The following PARP1 variants were observed in gnomAD, a reference collection of about 807,000 sequenced individuals.
The protein encoded by PARP1 is poly [ADP-ribose] polymerase 1.
In PARP1, 44 loss-of-function variants were observed where a neutral mutation model predicts 118.7. That is an observed-to-expected ratio of 0.37 (90% CI 0.29 to 0.48). The LOEUF (loss-of-function observed/expected upper bound fraction) is 0.48, where lower values mean the gene tolerates loss of function less well. PARP1 is among the 20% of genes least tolerant of loss of function. The pLI is 0.99. For missense variants in PARP1, 1,100 were observed against 1,272.4 expected, an observed-to-expected ratio of 0.86 and a Z score of 2.06; for synonymous variants, 492 against 483.2, an observed-to-expected ratio of 1.02 and a Z score of -0.24.
At position 226,367,093 on chromosome 1, in the gene PARP1, C is replaced by T. The variant is rs3219126; in HGVS notation, c.2406+387G>A. On this transcript the variant is annotated intron_variant, in intron 17 of 22. Coordinates refer to ENST00000366794, the MANE Select transcript of PARP1 (RefSeq NM_001618.4). ...AGCATTTCCACTTCTGAAATGGACA[C>T]CGGTAATAAGTCTTCTAAAAGTTCA... The T allele has an allele frequency of 9.1e-3, 2,594 of 285,564 alleles. 119 individuals are homozygous for T. Among genetic ancestry groups the T allele is most frequent in the South Asian group, 0.076 (2,025 of 26,476 alleles). 17.7% of individuals were successfully genotyped at this position (285,564 alleles called of 1,614,324 possible).
At position 226,402,328 on chromosome 1, in the gene PARP1, A is replaced by G. The variant is rs370621373; in HGVS notation, c.172T>C (p.Trp58Arg). ...TGCCGGATGGAGTGGCCCACCTTCCAGAAGCAGGAGAAGTGGTACCAGTGT... is the reference window on the plus strand; with the variant it reads ...TGCCGGATGGAGTGGCCCACCTTCCGGAAGCAGGAGAAGTGGTACCAGTGT... Reference protein sequence around the residue: ...VPHWYHFSCFWKVGHSIRHPD... With the variant: ...VPHWYHFSCFRKVGHSIRHPD... Residue 58 changes from tryptophan (W) to arginine (R), a missense_variant, in exon 2 of 23, where the codon TGG becomes CGG. Around this residue, in one of 2 missense-constraint regions of PARP1, gnomAD observed 948 missense variants for 1,031.8 expected, o/e 0.92. Transcript: ENST00000366794. 164 of 1,614,032 alleles carry G rather than the reference A, an allele frequency of 1.0e-4. 1 individual carries two copies. The highest frequency in any genetic ancestry group is 6.8e-4 in the Admixed American group (41 of 60,032).
At chr1:226,379,862 C>T (rs2271343) in intron 10 of PARP1, 60 bp downstream of exon 10, 1 of 1,611,202 alleles carries the variant, frequency 6.2e-7, no homozygotes, top group Admixed American at 1.7e-5. Context: ...CCGTGGACAA[C>T]AACCTGGCCA....
chr1:226,407,882 G>A lies in PARP1; in HGVS notation c.48C>T (p.Ser16=), dbSNP rs2102750314. 1.2e-6 allele frequency: 2 copies of A among 1,611,588 alleles called. No homozygotes were observed. Among genetic ancestry groups the A allele is most frequent in the Non-Finnish European group, 1.7e-6 (2 of 1,178,814 alleles). Residue 16 remains serine (S), a synonymous_variant, in exon 1 of 23, where the codon AGC becomes AGT. Coordinates refer to ENST00000366794, the MANE Select transcript of PARP1 (RefSeq NM_001618.4). ...TGCATTTCTTGCAAGAGGCGCGCCCGCTCTTGGCGTACTCGACTCGATAGA... is the reference window on the plus strand; with the variant it reads ...TGCATTTCTTGCAAGAGGCGCGCCCACTCTTGGCGTACTCGACTCGATAGA... ...DKLYRVEYAK[S]GRASCKKCSE...
chr1:226,379,749 G>A (rs890268468), intron 10 of PARP1, 108 bp from the exon 11 acceptor site: 2 of 1,315,908 alleles, frequency 1.5e-6, no homozygotes, highest in South Asian at 2.4e-5. Context: ...TGTCAACTCG[G>A]CATCTATATA....
chr1:226,364,978 C>A, intron 19 of PARP1, 24 bp downstream of exon 19: 1 of 1,612,382 alleles, frequency 6.2e-7, no homozygotes, highest in Non-Finnish European at 8.5e-7. Context: ...GCATTGCCCA[C>A]CCCTCGCCAG....
In PARP1 at chr1:226,361,835, A is replaced by G. The variant is rs1196641345; in HGVS notation, c.2963+134T>C. The G allele has an allele frequency of 1.1e-5, 8 of 720,378 alleles. No homozygotes were observed. In the East Asian group the frequency reaches 1.9e-4, roughly 17 times the overall value. The allele number at this position is 720,378 out of a possible 1,614,324, so 44.6% of individuals were successfully genotyped here. On this transcript the variant is annotated intron_variant, in intron 22 of 22. Transcript: ENST00000366794. Reference sequence around the variant, plus strand: ...TGCACAGGGAGGGACCACAGAAGGGAAACAGTCACCATGGGACACACTACA... The same window carrying G: ...TGCACAGGGAGGGACCACAGAAGGGGAACAGTCACCATGGGACACACTACA...
chr1:226,407,953 T>G lies in PARP1; in HGVS notation c.-24A>C, dbSNP rs1173257213. The G allele has an allele frequency of 6.2e-7, 1 of 1,611,626 alleles. No homozygotes were observed. The highest frequency in any genetic ancestry group is 1.7e-4 in the Middle Eastern group (1 of 6,048). Reference sequence around the variant, plus strand: ...ATCCTCCCCTAGCTGCCGCCAAAGCTCCGGAAGCCCGACGCCACGACCTAG... The same window carrying G: ...ATCCTCCCCTAGCTGCCGCCAAAGCGCCGGAAGCCCGACGCCACGACCTAG... On this transcript the variant is annotated 5_prime_UTR_variant, in exon 1 of 23. Transcript: ENST00000366794.
Position 226,365,960 on chromosome 1 carries a change from G to C in PARP1, c.2499C>G (p.Val833=). Residue 833 remains valine (V), a synonymous_variant, in exon 18 of 23, where the codon GTC becomes GTG. Coordinates refer to ENST00000366794, the MANE Select transcript of PARP1 (RefSeq NM_001618.4). Reference sequence around the variant, plus strand: ...GGGAAGAAGGGATTCTTACATCGATGACTTCCAAGTCATACGCATTGTGTG... The same window carrying C: ...GGGAAGAAGGGATTCTTACATCGATCACTTCCAAGTCATACGCATTGTGTG... ...ATTHNAYDLE[V]IDIFKIEREG... 2 of 1,601,400 alleles carry C rather than the reference G, an allele frequency of 1.2e-6. No individual in the cohort carries two copies. The highest frequency in any genetic ancestry group is 1.7e-6 in the Non-Finnish European group (2 of 1,168,402).
chr1:226,399,688 G>A (rs1234119021), intron 2 of PARP1, among the ~76,000 whole-genome samples: 1 of 152,204 alleles, frequency 6.6e-6, no homozygotes, highest in African/African-American at 2.4e-5. Context: ...ATAACGATGT[G>A]TCAATGTGGC....
chr1:226,399,577 G>A (rs1206548598), intron 2 of PARP1, among the ~76,000 whole-genome samples: 1 of 152,186 alleles, frequency 6.6e-6, no homozygotes, highest in Admixed American at 6.5e-5. Context: ...GGACTCTGGA[G>A]GCTACCATAA....
chr1:226,386,583 A>C, intron 5 of PARP1, 141 bp from the exon 6 acceptor site: 1 of 747,218 alleles, frequency 1.3e-6, no homozygotes, highest in African/African-American at 1.7e-5. Flanking sequence ...GGTGATTAGC[A>C]CAGGATTTGA....
intron 10 of PARP1, 130 bp from the exon 11 acceptor site, chr1:226,379,771 C>G: frequency 1.4e-6 from 2 of 1,385,276 alleles, no homozygotes; most frequent in South Asian, 2.3e-5. Flanking sequence ...ACACTACTCC[C>G]GCCACCCCAA....
rs1664572320 is a variant in PARP1 at position 226,379,990 on chromosome 1, A to G, written c.1475T>C (p.Val492Ala). 2 of 1,613,992 alleles carry G rather than the reference A, an allele frequency of 1.2e-6. No homozygotes were observed. The highest frequency in any genetic ancestry group is 1.1e-5 in the South Asian group (1 of 91,078). Residue 492 changes from valine to alanine, a missense_variant, in exon 10 of 23, where the codon GTT becomes GCT. By Grantham distance (64) the Val-to-Ala change is moderately conservative. Around this residue, in one of 2 missense-constraint regions of PARP1, gnomAD observed 948 missense variants for 1,031.8 expected, o/e 0.92. Coordinates refer to ENST00000366794, the MANE Select transcript of PARP1 (RefSeq NM_001618.4). ...CCCTGACTTCCCTCTTGGGGCCACA[A>G]CTTCAACAGGCTCTGCCTTCACCTC... Reference protein sequence around the residue: ...GAEVKAEPVEVVAPRGKSGAA... With the variant: ...GAEVKAEPVEAVAPRGKSGAA...
Position 226,408,046 on chromosome 1 carries a change from G to A in PARP1, c.-117C>T. The A allele has an allele frequency of 6.9e-7, 1 of 1,456,124 alleles. No homozygotes were observed. Among genetic ancestry groups the A allele is most frequent in the Non-Finnish European group, 9.4e-7 (1 of 1,060,106 alleles). The allele number at this position is 1,456,124 out of a possible 1,614,324, so 90.2% of individuals were successfully genotyped here. A position where few individuals can be genotyped will look rare whatever the true frequency, so the allele number is the denominator to read the frequency against. On this transcript the variant is annotated 5_prime_UTR_variant, in exon 1 of 23. Coordinates refer to ENST00000366794, the MANE Select transcript of PARP1 (RefSeq NM_001618.4). ...CGCAGGCGCCTGAGCGGCCAGAGCC[G>A]CCACCGAACACGCCGCACCGGCCAC...
intron 7 of PARP1, among the ~76,000 whole-genome samples, chr1:226,384,230 CT>C (rs770327177): frequency 6.6e-6 from 1 of 152,156 alleles, no homozygotes; most frequent in Non-Finnish European, 1.5e-5. Context: ...CTAGGTACTC[CT>C]AAAAAGAATG....
intron 4 of PARP1, 122 bp downstream of exon 4, chr1:226,390,287 CT>C: frequency 1.1e-6 from 1 of 871,484 alleles, no homozygotes; most frequent in Non-Finnish European, 1.9e-6. Context: ...CAGTTTGCAT[CT>C]CCCTGGCTTA....
At chr1:226,389,557 C>T (rs1664783863) in intron 4 of PARP1, among the ~76,000 whole-genome samples, 1 of 152,216 alleles carries the variant, frequency 6.6e-6, no homozygotes, top group African/African-American at 2.4e-5. Flanking sequence ...ATGTGCTCAA[C>T]ACATTCTGGC....
chr1:226,361,798 TA>T (rs1664144678), intron 22 of PARP1, 170 bp downstream of exon 22: 1 of 685,434 alleles, frequency 1.5e-6, no homozygotes, highest in East Asian at 2.7e-5. Context: ...TCATACCCTG[TA>T]AGCCAGGCTA....
At chr1:226,363,774 T>A (rs1166930290) in intron 20 of PARP1, among the ~76,000 whole-genome samples, 169 bp downstream of exon 20, 1 of 152,198 alleles carries the variant, frequency 6.6e-6, no homozygotes, top group East Asian at 1.9e-4. Context: ...TCTCCCTTGT[T>A]CCCTTAACTT....
Sources: gnomAD v4.1 joint callset for allele counts (sites outside exome capture counted in the v4.1 genomes callset) on GRCh38, gnomAD v4.1.1 for gene constraint, gnomAD v4.1.1 regional missense constraint, MANE v1.5 for transcripts, NCBI Gene and HGNC (gene_info 2026-07-23, HGNC 2026-07-21) for gene names.